Variants in RASGRF2 observed in about 807,000 individuals in gnomAD.
RASGRF2 encodes the protein ras-specific guanine nucleotide-releasing factor 2.
A neutral mutation model predicts 151.0 loss-of-function variants in RASGRF2; 76 were observed. The observed-to-expected ratio is 0.50, with a 90% CI of 0.42 to 0.61. The LOEUF (loss-of-function observed/expected upper bound fraction) is 0.61. Ranked by LOEUF, RASGRF2 falls within the 20% of genes least tolerant of loss-of-function variation. The pLI, the probability that RASGRF2 is intolerant of heterozygous loss-of-function variation, is 0.00. For synonymous variants in RASGRF2, 504 were observed against 566.5 expected, an observed-to-expected ratio of 0.89 and a Z score of 1.57; for missense variants, 1,148 against 1,564.6, an observed-to-expected ratio of 0.73 and a Z score of 4.49.
chr5:81,185,712 A>C (rs1189278807), intron 18 of RASGRF2, among the ~76,000 whole-genome samples: 1 of 152,218 alleles, frequency 6.6e-6, no homozygotes, highest in East Asian at 1.9e-4. Flanking sequence ...GATCAGAAGC[A>C]ATAGCCAGCT....
At chr5:80,961,151 G>A (rs1747540092) in intron 1 of RASGRF2, 125 bp downstream of exon 1, 1 of 1,128,996 alleles carries the variant, frequency 8.9e-7, no homozygotes, top group Non-Finnish European at 1.2e-6. Context: ...AAATCCCCCC[G>A]CGTCACCAGT....
At chr5:81,170,275 C>T (rs949394295) in intron 17 of RASGRF2, among the ~76,000 whole-genome samples, 1 of 152,004 alleles carries the variant, frequency 6.6e-6, no homozygotes, top group Non-Finnish European at 1.5e-5. Context: ...GGCCTCTCCT[C>T]GTTCCACTTT....
At chr5:81,199,617 T>C (rs1264321838) in intron 18 of RASGRF2, among the ~76,000 whole-genome samples, 2 of 152,148 alleles carry the variant, frequency 1.3e-5, no homozygotes, top group African/African-American at 4.8e-5. Flanking sequence ...TTTTGCCGGG[T>C]GCAGTGTCTC....
chr5:81,087,192 C>G (rs779330526), intron 9 of RASGRF2: 1 of 703,194 alleles, frequency 1.4e-6, no homozygotes, highest in South Asian at 1.5e-5. Context: ...TACATTCTGA[C>G]TGGACGCTCC....
intron 1 of RASGRF2, among the ~76,000 whole-genome samples, chr5:80,965,808 A>G (rs1747704103): frequency 1.3e-5 from 2 of 152,164 alleles, no homozygotes; most frequent in Non-Finnish European, 2.9e-5. Flanking sequence ...CATTAAAACA[A>G]TTGCTGATAT....
At chr5:81,171,550 TG>T in intron 17 of RASGRF2, among the ~76,000 whole-genome samples, 1 of 6,218 alleles carries the variant, frequency 1.6e-4, no homozygotes, top group Non-Finnish European at 3.5e-4. Flanking sequence ...CTTTTGTGTT[TG>T]TGTGTGTGTG....
At chr5:81,161,973 G>C (rs966210797) in intron 17 of RASGRF2, among the ~76,000 whole-genome samples, 1 of 151,868 alleles carries the variant, frequency 6.6e-6, no homozygotes, top group Non-Finnish European at 1.5e-5. Context: ...CATTTAAAGG[G>C]GAGGTTAGAT....
chr5:81,230,149 T>G lies in RASGRF2; in HGVS notation c.*4379T>G, dbSNP rs1340311179. On this transcript the variant is annotated 3_prime_UTR_variant, in exon 27 of 27. Coordinates refer to ENST00000265080, the MANE Select transcript of RASGRF2 (RefSeq NM_006909.3). The stretch of plus-strand genomic sequence containing the variant: ...CCTATATGCAAATTAAACTTCACCT[T>G]TCTTGAATATTCAGAAATCTCACTG... The G allele has an allele frequency of 6.6e-6, 1 of 152,254 alleles. No homozygotes were observed. Among genetic ancestry groups the G allele is most frequent in the Admixed American group, 6.5e-5 (1 of 15,292 alleles). The allele number at this position is 152,254 out of a possible 1,614,324, so 9.4% of individuals were successfully genotyped here. A position where few individuals can be genotyped will look rare whatever the true frequency, so the allele number is the denominator to read the frequency against.
Position 81,094,802 on chromosome 5 carries a change from C to G in RASGRF2, c.1619-54C>G, listed in dbSNP as rs78331706. ...AATAGAATAATGTGAAGGCAGCTAT[C>G]ACTCTTTGTTTTTTTGTATTCTCAT... is the stretch of plus-strand genomic sequence containing the variant. On this transcript the variant is annotated intron_variant, in intron 11 of 26. Coordinates refer to ENST00000265080, the MANE Select transcript of RASGRF2 (RefSeq NM_006909.3). 2.4e-3 allele frequency: 3,598 copies of G among 1,512,084 alleles called. 72 individuals are homozygous for G. The African/African-American group carries it at 0.044, about 18-fold the overall frequency. 93.7% of individuals were successfully genotyped at this position (1,512,084 alleles called of 1,614,324 possible).
intron 1 of RASGRF2, among the ~76,000 whole-genome samples, chr5:81,003,315 C>A (rs567042341): frequency 1.3e-5 from 2 of 151,620 alleles, no homozygotes; most frequent in South Asian, 4.2e-4. Context: ...CTCCGCCTCC[C>A]GGGTTCACGC....
intron 9 of RASGRF2, among the ~76,000 whole-genome samples, chr5:81,088,889 CAT>C (rs1378269014): frequency 2.0e-5 from 3 of 152,050 alleles, no homozygotes; most frequent in South Asian, 2.1e-4. Flanking sequence ...TATTCATGCC[CAT>C]ATGTTATTAA....
chr5:80,975,782 C>T (rs1580157841), intron 1 of RASGRF2, among the ~76,000 whole-genome samples: 1 of 151,504 alleles, frequency 6.6e-6, no homozygotes, highest in East Asian at 1.9e-4. Context: ...TAGGTATTTT[C>T]TCATACCTGA....
At chr5:81,172,452 TG>T (rs1754679179) in intron 17 of RASGRF2, among the ~76,000 whole-genome samples, 1 of 151,610 alleles carries the variant, frequency 6.6e-6, no homozygotes, top group Non-Finnish European at 1.5e-5. Flanking sequence ...TGTGTGTGTG[TG>T]TGTGTGTGTG....
intron 2 of RASGRF2, among the ~76,000 whole-genome samples, chr5:81,051,099 C>G (rs971667271): frequency 6.6e-6 from 1 of 152,026 alleles, no homozygotes; most frequent in Admixed American, 6.6e-5. Flanking sequence ...ATGTCCTTTT[C>G]CCATTTTTTG....
At position 81,113,751 on chromosome 5, in the gene RASGRF2, C is replaced by T; in HGVS notation, c.2301C>T (p.Thr767=). ...ALDLTTSSSP[T]TTTQSPAASP... is the part of the protein sequence containing the mutation. ...ACCTGACAACTTCCAGCAGTCCCAC[C>T]ACCACCACCCAGAGTCCCGCTGCGT... The change falls in exon 15 of 27, where the codon ACC becomes ACT. Residue 767 remains threonine, a synonymous_variant. Transcript: ENST00000265080. 6.2e-7 allele frequency: 1 copy of T among 1,614,102 alleles called. No individual in the cohort carries two copies.
intron 17 of RASGRF2, among the ~76,000 whole-genome samples, chr5:81,160,717 A>ATAATAATAG (rs1249602929): frequency 1.1e-3 from 169 of 149,510 alleles, no homozygotes; most frequent in African/African-American, 4.0e-3. Flanking sequence ...AATAATAATA[A>ATAATAATAG]TAAGTCAACC....
At chr5:81,155,876 C>T (rs1754250076) in intron 17 of RASGRF2, among the ~76,000 whole-genome samples, 1 of 152,098 alleles carries the variant, frequency 6.6e-6, no homozygotes, top group African/African-American at 2.4e-5. Flanking sequence ...AGGGCTCGGG[C>T]TAGTTTCTAC....
intron 1 of RASGRF2, among the ~76,000 whole-genome samples, chr5:81,024,612 A>C (rs571627056): frequency 5.1e-4 from 78 of 152,290 alleles, no homozygotes; most frequent in African/African-American, 1.8e-3. Context: ...AAATGACTAC[A>C]TAACTGTCAT....
Position 80,994,259 on chromosome 5 carries a change from A to G in RASGRF2, c.288+33233A>G, listed in dbSNP as rs1189929041. Among the ~76,000 whole-genome samples the G allele has an allele frequency of 2.6e-5, 4 of 151,316 alleles. No individual in the cohort carries two copies. The South Asian group carries it at 6.3e-4, about 24-fold the overall frequency. ...TAGGCGCCTGTAGTCCCAGCTACTC[A>G]GGAGGCTGAGGCAGGAGAATGGCGT... On this transcript the variant is annotated intron_variant, in intron 1 of 26. Transcript: ENST00000265080.
Sources: gnomAD v4.1 joint callset for allele counts (sites outside exome capture counted in the v4.1 genomes callset) on GRCh38, gnomAD v4.1.1 for gene constraint, MANE v1.5 for transcripts, NCBI Gene and HGNC (gene_info 2026-07-23, HGNC 2026-07-21) for gene names.